Variants in ANO4 observed in about 807,000 individuals in gnomAD.
ANO4 encodes the protein anoctamin 4.
A neutral mutation model predicts 141.9 loss-of-function variants in ANO4; 69 were observed. The observed-to-expected ratio is 0.49, with a 90% confidence interval of 0.40 to 0.59. The LOEUF (loss-of-function observed/expected upper bound fraction) is 0.59, where lower values mean the gene tolerates loss of function less well. Ranked by LOEUF, ANO4 falls within the 20% of genes least tolerant of loss-of-function variation. The pLI is 0.00. For synonymous variants in ANO4, 350 were observed against 394.3 expected, an observed-to-expected ratio of 0.89 and a Z score of 1.33; for missense variants, 894 against 1,162.2, an observed-to-expected ratio of 0.77 and a Z score of 3.36.
chr12:100,987,873 G>A (rs1208266630), intron 8 of ANO4, among the ~76,000 whole-genome samples: 1 of 152,148 alleles, frequency 6.6e-6, no homozygotes, highest in Non-Finnish European at 1.5e-5. Context: ...CATCTCAGTG[G>A]CTTAAGATGA....
At chr12:100,726,953 C>G (rs2031153539) in intron 1 of ANO4, among the ~76,000 whole-genome samples, 1 of 134,360 alleles carries the variant, frequency 7.4e-6, no homozygotes. Context: ...TTAATAGTTG[C>G]CCCGGGACCC....
At chr12:100,916,383 G>A (rs2041342034) in intron 2 of ANO4, among the ~76,000 whole-genome samples, 1 of 151,480 alleles carries the variant, frequency 6.6e-6, no homozygotes, top group Non-Finnish European at 1.5e-5. Flanking sequence ...AAAAATCAGA[G>A]CGTCTTCTTA....
rs576327566 is a variant in ANO4, at chr12:100,822,913, A to C, written c.-141+27886A>C. Among the ~76,000 whole-genome samples the C allele has an allele frequency of 3.9e-5, 6 of 152,054 alleles. No homozygotes were observed. In the East Asian group the frequency reaches 1.2e-3, roughly 30 times the overall value. On this transcript the variant is annotated intron_variant, in intron 1 of 27. Transcript: ENST00000392977. ...TCCATTTGTTTTGTTATTTCTTTTC[A>C]GATCTCACCGTTTGCTGTATTTTGC...
Position 100,885,960 on chromosome 12 carries a change from C to A in ANO4, c.-140-15686C>A, listed in dbSNP as rs113544078. Among the ~76,000 whole-genome samples the A allele has an allele frequency of 4.9e-3, 747 of 152,262 alleles. 5 individuals carry two copies. Among genetic ancestry groups the A allele is most frequent in the African/African-American group, 0.017 (708 of 41,542 alleles). On this transcript the variant is annotated intron_variant, in intron 1 of 27. Coordinates refer to ENST00000392977, the MANE Select transcript of ANO4 (RefSeq NM_001286615.2). ...AAGCTGAACTTAACATCTTGCCTAC[C>A]GAAATATTCCATCCGTGTTCTTATT...
chr12:101,075,140 T>A (rs2048971861), intron 14 of ANO4, among the ~76,000 whole-genome samples: 1 of 151,978 alleles, frequency 6.6e-6, no homozygotes, highest in Admixed American at 6.6e-5. Flanking sequence ...AACCTGAAAG[T>A]GAGGGTAGGA....
At chr12:100,975,857 G>A (rs1207916546) in intron 7 of ANO4, among the ~76,000 whole-genome samples, 2 of 138,542 alleles carry the variant, frequency 1.4e-5, no homozygotes, top group Non-Finnish European at 3.0e-5. Flanking sequence ...GTCCTCCTAT[G>A]TTAGTAATAT....
At chr12:100,776,336 C>T (rs1021457322) in intron 3 of ANO4, among the ~76,000 whole-genome samples, 11 of 152,226 alleles carry the variant, frequency 7.2e-5, no homozygotes, top group East Asian at 5.8e-4. Context: ...AACCACCTCG[C>T]GAGGGCTCTT....
intron 7 of ANO4, among the ~76,000 whole-genome samples, chr12:100,981,601 T>C (rs564835966): frequency 8.5e-5 from 13 of 152,332 alleles, no homozygotes; most frequent in Non-Finnish European, 1.3e-4. Flanking sequence ...GCTATTATTA[T>C]AATATTCTTT....
At chr12:100,756,166 C>A (rs1205097626) in intron 3 of ANO4, among the ~76,000 whole-genome samples, 2 of 152,168 alleles carry the variant, frequency 1.3e-5, no homozygotes, top group East Asian at 3.9e-4. Context: ...ATCTATACTG[C>A]TGGTGTCGAA....
intron 5 of ANO4, among the ~76,000 whole-genome samples, chr12:100,961,498 GA>G (rs562224191): frequency 1.6e-3 from 248 of 152,268 alleles, no homozygotes; most frequent in Admixed American, 2.7e-3. Context: ...GCAACGAGCT[GA>G]CCTGCAGTAG....
At chr12:100,918,548 G>A (rs1303879044) in intron 2 of ANO4, among the ~76,000 whole-genome samples, 3 of 152,050 alleles carry the variant, frequency 2.0e-5, no homozygotes, top group Admixed American at 2.0e-4. Flanking sequence ...AACCATGGTG[G>A]TCCCATTAAG....
At chr12:101,119,684 T>C (rs551589579) in intron 25 of ANO4, among the ~76,000 whole-genome samples, 42 of 152,226 alleles carry the variant, frequency 2.8e-4, no homozygotes, top group Non-Finnish European at 5.7e-4. Context: ...AACTAAATAG[T>C]ACAATATTCA....
chr12:100,745,196 T>G (rs768025114), intron 3 of ANO4, among the ~76,000 whole-genome samples: 2 of 152,206 alleles, frequency 1.3e-5, no homozygotes, highest in Non-Finnish European at 2.9e-5. Context: ...TTCTTTACTG[T>G]TCCCTAAAAG....
At chr12:100,949,205 A>C (rs1277429034) in intron 5 of ANO4, among the ~76,000 whole-genome samples, 1 of 152,246 alleles carries the variant, frequency 6.6e-6, no homozygotes, top group Non-Finnish European at 1.5e-5. Context: ...ACCCTAAAGC[A>C]GAGAACCCAG....
At chr12:100,875,385 G>C (rs933610106) in intron 1 of ANO4, among the ~76,000 whole-genome samples, 3 of 152,200 alleles carry the variant, frequency 2.0e-5, no homozygotes, top group African/African-American at 7.2e-5. Flanking sequence ...AGCCAGGGCA[G>C]CATACATCAC....
chr12:100,987,965 C>T (rs1473157878), intron 8 of ANO4, among the ~76,000 whole-genome samples: 2 of 152,304 alleles, frequency 1.3e-5, no homozygotes, highest in Middle Eastern at 3.4e-3. Context: ...ATTCTCATTG[C>T]TCTGCCAACT....
At chr12:100,927,504 A>G (rs1225060897) in intron 3 of ANO4, among the ~76,000 whole-genome samples, 6 of 152,156 alleles carry the variant, frequency 3.9e-5, no homozygotes, top group African/African-American at 1.2e-4. Context: ...CGAACATTTT[A>G]AGAGGTAAGC....
intron 1 of ANO4, among the ~76,000 whole-genome samples, chr12:100,797,277 C>CT (rs5800423): frequency 0.14 from 19,764 of 136,684 alleles, 1,753 homozygotes; most frequent in African/African-American, 0.24. Flanking sequence ...CTTTAACTGG[C>CT]TTTTTTTTTT....
chr12:101,048,449 T>A, intron 14 of ANO4, 48 bp downstream of exon 14: 1 of 1,520,642 alleles, frequency 6.6e-7, no homozygotes, highest in South Asian at 1.2e-5. Context: ...ATATGCCCTA[T>A]GATATATTCC....
Sources: gnomAD v4.1 joint callset for allele counts (sites outside exome capture counted in the v4.1 genomes callset) on GRCh38, gnomAD v4.1.1 for gene constraint, MANE v1.5 for transcripts, NCBI Gene and HGNC (gene_info 2026-07-23, HGNC 2026-07-21) for gene names.